Variants in PAX9 observed in about 807,000 individuals in gnomAD.
PAX9 encodes the protein paired box protein Pax-9.
A neutral mutation model predicts 29.1 loss-of-function variants in PAX9; 6 were observed. That is an observed-to-expected ratio of 0.21 (90% CI 0.11 to 0.41). The LOEUF (loss-of-function observed/expected upper bound fraction) is 0.41, where lower values mean the gene tolerates loss of function less well. Ranked by LOEUF, PAX9 falls within the 10% of genes least tolerant of loss-of-function variation. PAX9 has a pLI of 1.00. For synonymous variants in PAX9, 217 were observed against 211.7 expected, an observed-to-expected ratio of 1.03 and a Z score of -0.22; for missense variants, 443 against 479.1, an observed-to-expected ratio of 0.92 and a Z score of 0.70.
upstream of PAX9, among the ~76,000 whole-genome samples, chr14:36,660,131 C>T (rs982100549): frequency 6.6e-6 from 1 of 152,144 alleles, no homozygotes; most frequent in South Asian, 2.1e-4. Flanking sequence ...GTCATAAGCT[C>T]CCCTACGATG....
intron 3 of PAX9, among the ~76,000 whole-genome samples, chr14:36,670,020 C>A (rs193147899): frequency 1.1e-3 from 168 of 151,978 alleles, no homozygotes; most frequent in African/African-American, 4.0e-3. Flanking sequence ...AATTGAGTGG[C>A]CAAAAAACCT....
rs1243108043 is a variant in PAX9 at position 36,676,363 on chromosome 14, C to T, written c.937C>T (p.His313Tyr). The change falls in exon 4 of 4, where the codon CAC (histidine) becomes TAC (tyrosine). Residue 313 changes from histidine (H) to tyrosine (Y), a missense_variant. Coordinates refer to ENST00000361487, the MANE Select transcript of PAX9 (RefSeq NM_001372076.1). ...TGCTGGGGGCACCTCATTGTCTCCC[C>T]ACAACTGTGACATTCCGGCATCGCT... is the stretch of plus-strand genomic sequence containing the variant. ...QHAGGTSLSPHNCDIPASLAF... is the reference protein window; with the variant it reads ...QHAGGTSLSPYNCDIPASLAF... 1.2e-6 allele frequency: 2 copies of T among 1,614,116 alleles called. No homozygotes were observed. Among genetic ancestry groups the T allele is most frequent in the South Asian group, 1.1e-5 (1 of 91,080 alleles).
In PAX9 at chr14:36,676,444, G is replaced by A; in HGVS notation, c.1018G>A (p.Ala340Thr). ...REGSHSVTAS[A>T]L ...AGGTAGTCATTCTGTCACGGCTTCC[G>A]CGCTCTGATGGGAAATTCCGTCTCC... Residue 340 changes from alanine to threonine, a missense_variant, in exon 4 of 4, where the codon GCG (alanine) becomes ACG (threonine). Ala to Thr is a moderately conservative substitution (Grantham distance 58). Transcript: ENST00000361487. 2 of 1,612,798 alleles carry A rather than the reference G, an allele frequency of 1.2e-6. No homozygotes were observed. The highest frequency in any genetic ancestry group is 1.1e-5 in the South Asian group (1 of 91,078).
At position 36,676,223 on chromosome 14, in the gene PAX9, G is replaced by C; in HGVS notation, c.797G>C (p.Gly266Ala). 2 of 1,614,046 alleles carry C rather than the reference G, an allele frequency of 1.2e-6. No homozygotes were observed. The highest frequency in any genetic ancestry group is 3.3e-5 in the Admixed American group (2 of 59,998). ...GQAPNGLPAV[G>A]SFVSASSMAP... ...GCACCAAATGGTCTCCCAGCTGTGGGCAGTTTTGTGTCAGCATCCAGCATG... is the reference window on the plus strand; with the variant it reads ...GCACCAAATGGTCTCCCAGCTGTGGCCAGTTTTGTGTCAGCATCCAGCATG... The change falls in exon 4 of 4, where the codon GGC becomes GCC. Residue 266 changes from glycine (G) to alanine (A), a missense_variant. This residue lies in a region of PAX9 where 336 missense variants were observed against 317.2 expected (regional missense o/e 1.06). Coordinates refer to ENST00000361487, the MANE Select transcript of PAX9 (RefSeq NM_001372076.1).
In PAX9 at chr14:36,676,485, G is replaced by T. The variant is rs1449938162; in HGVS notation, c.*33G>T. The T allele has an allele frequency of 6.2e-7, 1 of 1,606,132 alleles. No individual in the cohort carries two copies. ...TTCCGTCTCCAGCAGCTTCACCCGGGTCTCCCTGTCTCAGCACCTCCTCCC... is the reference window on the plus strand; with the variant it reads ...TTCCGTCTCCAGCAGCTTCACCCGGTTCTCCCTGTCTCAGCACCTCCTCCC... On this transcript the variant is annotated 3_prime_UTR_variant, in exon 4 of 4. Transcript: ENST00000361487.
At chr14:36,667,027 G>A (rs903264125) in intron 3 of PAX9, among the ~76,000 whole-genome samples, 1 of 152,116 alleles carries the variant, frequency 6.6e-6, no homozygotes, top group African/African-American at 2.4e-5. Context: ...GCGCCTTCAC[G>A]CCCGCGAAAC....
intron 3 of PAX9, among the ~76,000 whole-genome samples, chr14:36,670,840 C>T (rs78445181): frequency 6.6e-6 from 1 of 151,874 alleles, no homozygotes. Flanking sequence ...TTTTAAATAG[C>T]GGCTTTCCAT....
At chr14:36,672,702 G>T (rs555815273) in intron 3 of PAX9, among the ~76,000 whole-genome samples, 254 of 6,058 alleles carry the variant, frequency 0.042, no homozygotes, top group African/African-American at 0.12. Flanking sequence ...AAACTCTCCA[G>T]ACCCCCAAGC....
chr14:36,669,349 T>C (rs1881624804), intron 3 of PAX9, among the ~76,000 whole-genome samples: 1 of 152,160 alleles, frequency 6.6e-6, no homozygotes, highest in Admixed American at 6.5e-5. Flanking sequence ...CAAAATGGAA[T>C]CAGCATATTT....
At chr14:36,660,278 T>C (rs940244107), upstream of PAX9, among the ~76,000 whole-genome samples, 2 of 152,052 alleles carry the variant, frequency 1.3e-5, no homozygotes, top group African/African-American at 2.4e-5. Flanking sequence ...GTATTGGAGG[T>C]CAGACCAGGC....
At position 36,663,058 on chromosome 14, in the gene PAX9, A is replaced by G. The variant is rs1035361992; in HGVS notation, c.166A>G (p.Ile56Val). 6.2e-7 allele frequency: 1 copy of G among 1,613,822 alleles called. No individual in the cohort carries two copies. Among genetic ancestry groups the G allele is most frequent in the Non-Finnish European group, 8.5e-7 (1 of 1,180,020 alleles). ...LRVSHGCVSKILARYNETGSI... is the reference protein window; with the variant it reads ...LRVSHGCVSKVLARYNETGSI... ...GGTCTCGCACGGCTGCGTCAGCAAGATCCTGGCGCGATACAACGAGACGGG... is the reference window on the plus strand; with the variant it reads ...GGTCTCGCACGGCTGCGTCAGCAAGGTCCTGGCGCGATACAACGAGACGGG... Residue 56 changes from isoleucine to valine, a missense_variant, in exon 2 of 4, where the codon ATC (isoleucine) becomes GTC (valine). Physicochemically the swap from Ile to Val is conservative, Grantham distance 29 (BLOSUM62 3). Around this residue, in one of 2 missense-constraint regions of PAX9, gnomAD observed 107 missense variants for 161.9 expected, o/e 0.66. Coordinates refer to ENST00000361487, the MANE Select transcript of PAX9 (RefSeq NM_001372076.1).
chr14:36,672,184 C>T (rs1452943180), intron 3 of PAX9: 1 of 152,172 alleles, frequency 6.6e-6, no homozygotes, highest in Admixed American at 6.5e-5. Context: ...TTTGTTTACT[C>T]TTCCCTGGGG....
upstream of PAX9, among the ~76,000 whole-genome samples, chr14:36,659,215 C>T (rs1240328567): frequency 6.6e-6 from 1 of 152,228 alleles, no homozygotes; most frequent in Non-Finnish European, 1.5e-5. Context: ...AGCAGTGTAA[C>T]CAGGCGGCAG....
rs1237227408 is a variant in PAX9 at position 36,678,036 on chromosome 14, T to C, written c.*1584T>C. ...ATTCAGCTGTTGGAAAATTAATATATTGAGGGTTTTTTGGTACTAATTCTG... is the reference window on the plus strand; with the variant it reads ...ATTCAGCTGTTGGAAAATTAATATACTGAGGGTTTTTTGGTACTAATTCTG... On this transcript the variant is annotated 3_prime_UTR_variant, in exon 4 of 4. Transcript: ENST00000361487. 1 of 155,742 alleles carries C rather than the reference T, an allele frequency of 6.4e-6. No individual in the cohort carries two copies. The highest frequency in any genetic ancestry group is 2.4e-5 in the African/African-American group (1 of 41,740). The allele number at this position is 155,742 out of a possible 1,614,324, so 9.6% of individuals were successfully genotyped here. A position where few individuals can be genotyped will look rare whatever the true frequency, so the allele number is the denominator to read the frequency against.
At chr14:36,659,973 C>A (rs1014681176), upstream of PAX9, among the ~76,000 whole-genome samples, 4 of 152,296 alleles carry the variant, frequency 2.6e-5, no homozygotes, top group South Asian at 4.2e-4. Context: ...AGCAGCCCTG[C>A]AGACTGCAAA....
intron 3 of PAX9, among the ~76,000 whole-genome samples, chr14:36,669,150 G>A (rs1349470028): frequency 6.6e-6 from 1 of 152,270 alleles, no homozygotes; most frequent in East Asian, 1.9e-4. Context: ...AGTGCTTAAT[G>A]TTGAAGATGT....
At chr14:36,661,771 G>T, upstream of PAX9, 1 of 479,710 alleles carries the variant, frequency 2.1e-6, no homozygotes, top group Non-Finnish European at 3.7e-6. Context: ...TCACCGACCC[G>T]CACCAATCAC....
At position 36,663,285 on chromosome 14, in the gene PAX9, C is replaced by G. The variant is rs772970706; in HGVS notation, c.393C>G (p.Ile131Met). 6.2e-7 allele frequency: 1 copy of G among 1,614,206 alleles called. No homozygotes were observed. The highest frequency in any genetic ancestry group is 8.5e-7 in the Non-Finnish European group (1 of 1,180,042). The change falls in exon 2 of 4, where the codon ATC becomes ATG. Residue 131 changes from isoleucine to methionine, a missense_variant. Ile to Met is a conservative substitution (Grantham distance 10, BLOSUM62 1). This residue lies in a region of PAX9 where 336 missense variants were observed against 317.2 expected (regional missense o/e 1.06). Transcript: ENST00000361487. ...SSISRILRNK[I>M]GNLAQQGHYD... Reference sequence around the variant, plus strand: ...TCAGCCGCATTCTGCGCAACAAGATCGGCAACTTGGCCCAGCAGGGTCATT... The same window carrying G: ...TCAGCCGCATTCTGCGCAACAAGATGGGCAACTTGGCCCAGCAGGGTCATT...
Position 36,678,379 on chromosome 14 carries a change from G to A in PAX9, c.*1927G>A, listed in dbSNP as rs1460472509. The A allele has an allele frequency of 1.0e-6, 1 of 993,844 alleles. No homozygotes were observed. 61.6% of individuals were successfully genotyped at this position (993,844 alleles called of 1,614,324 possible). On this transcript the variant is annotated 3_prime_UTR_variant, in exon 4 of 4. Coordinates refer to ENST00000361487, the MANE Select transcript of PAX9 (RefSeq NM_001372076.1). ...CCGAAATTCAGTGCTACAAATAGAG[G>A]ATTATAACTTCAGGAGAAGAATAAG...
Sources: allele counts gnomAD v4.1 joint callset (sites outside exome capture counted in the v4.1 genomes callset), GRCh38; gene constraint gnomAD v4.1.1; regional missense constraint gnomAD v4.1.1; transcripts MANE v1.5; gene names NCBI Gene and HGNC (gene_info 2026-07-23, HGNC 2026-07-21).